The following ATM variants were observed in gnomAD, a reference collection of about 807,000 sequenced individuals.
ATM encodes the protein serine-protein kinase ATM.
Under a neutral mutation model 387.0 loss-of-function variants are expected in ATM, and 308 were observed. That is an observed-to-expected ratio of 0.80 (90% CI 0.73 to 0.87). The LOEUF (loss-of-function observed/expected upper bound fraction) is 0.87. Among genes scored for constraint, ATM ranks in the 40% least tolerant of loss-of-function variants. ATM has a pLI of 0.00. For missense variants in ATM, 3,312 were observed against 3,560.9 expected, an observed-to-expected ratio of 0.93 and a Z score of 1.78; for synonymous variants, 1,156 against 1,187.3, an observed-to-expected ratio of 0.97 and a Z score of 0.54.
At chr11:108,247,598 T>G (rs998246987) in intron 8 of ATM, among the ~76,000 whole-genome samples, 1 of 152,150 alleles carries the variant, frequency 6.6e-6, no homozygotes, top group African/African-American at 2.4e-5. Flanking sequence ...TTTTTTTATT[T>G]TATTTTTATT....
intron 59 of ATM, among the ~76,000 whole-genome samples, chr11:108,350,869 T>A (rs183169453): frequency 0.024 from 3,670 of 152,272 alleles, 110 homozygotes; most frequent in African/African-American, 0.077. Context: ...CCCTTTGGAA[T>A]ATTGTTTGGC....
At chr11:108,322,040 A>C (rs1417627396) in intron 45 of ATM, among the ~76,000 whole-genome samples, 1 of 152,190 alleles carries the variant, frequency 6.6e-6, no homozygotes, top group Non-Finnish European at 1.5e-5. Flanking sequence ...TTAGCACTAC[A>C]TTGTATTACT....
intron 56 of ATM, among the ~76,000 whole-genome samples, chr11:108,341,588 G>A (rs2087587577): frequency 6.6e-6 from 1 of 152,044 alleles, no homozygotes; most frequent in Admixed American, 6.6e-5. Context: ...TTCAACATAT[G>A]TGAGAAACTT....
chr11:108,298,954 A>C (rs781551433), intron 33 of ATM, among the ~76,000 whole-genome samples: 2 of 152,222 alleles, frequency 1.3e-5, no homozygotes, highest in Non-Finnish European at 2.9e-5. Context: ...TAAAAGAAAT[A>C]AATAGCCAGG....
chr11:108,264,249 T>G (rs1279607768), intron 16 of ATM, among the ~76,000 whole-genome samples: 1 of 151,978 alleles, frequency 6.6e-6, no homozygotes, highest in Admixed American at 6.6e-5. Flanking sequence ...ACTGGCAAAC[T>G]GAATCCAGCA....
chr11:108,363,227 G>T (rs2090995729), intron 61 of ATM, among the ~76,000 whole-genome samples: 1 of 152,004 alleles, frequency 6.6e-6, no homozygotes, highest in African/African-American at 2.4e-5. Flanking sequence ...TCCTCTCTTG[G>T]ATTCATTTCT....
intron 22 of ATM, among the ~76,000 whole-genome samples, chr11:108,274,501 C>T (rs1212282041): frequency 1.3e-5 from 2 of 152,164 alleles, no homozygotes; most frequent in African/African-American, 2.4e-5. Context: ...GTCCTGTGGG[C>T]ATTTAGTGCT....
At chr11:108,257,890 T>C (rs1367869988) in intron 15 of ATM, among the ~76,000 whole-genome samples, 7 of 152,210 alleles carry the variant, frequency 4.6e-5, no homozygotes, top group Non-Finnish European at 8.8e-5. Flanking sequence ...ATTTTTCTTT[T>C]TTTTGAGACA....
At chr11:108,275,739 G>A (rs549936578) in intron 22 of ATM, among the ~76,000 whole-genome samples, 15 of 152,316 alleles carry the variant, frequency 9.8e-5, no homozygotes, top group African/African-American at 3.4e-4. Flanking sequence ...CTGCTGTTAA[G>A]TCTGATGGGC....
chr11:108,232,493 A>G (rs1489948303), intron 4 of ATM, among the ~76,000 whole-genome samples: 2 of 151,166 alleles, frequency 1.3e-5, no homozygotes, highest in African/African-American at 4.9e-5. Flanking sequence ...GCAGCTGAGA[A>G]GAAACAAGTA....
intron 17 of ATM, among the ~76,000 whole-genome samples, chr11:108,267,905 C>A (rs1400400931): frequency 2.6e-5 from 4 of 152,178 alleles, no homozygotes; most frequent in African/African-American, 9.7e-5. Context: ...CAATAGAAAG[C>A]AGGAAATGAA....
At chr11:108,363,911 T>C (rs1256983143) in intron 61 of ATM, among the ~76,000 whole-genome samples, 4 of 152,202 alleles carry the variant, frequency 2.6e-5, no homozygotes, top group Non-Finnish European at 5.9e-5. Context: ...CATTAGTTCA[T>C]TAATAAAATA....
chr11:108,353,096 T>C (rs1027427071), intron 59 of ATM, among the ~76,000 whole-genome samples: 1 of 152,194 alleles, frequency 6.6e-6, no homozygotes, highest in Non-Finnish European at 1.5e-5. Flanking sequence ...GGATGATCTT[T>C]TCTGTATGAT....
chr11:108,309,027 C>A (rs530577906), intron 38 of ATM: 6 of 1,526,118 alleles, frequency 3.9e-6, no homozygotes, highest in East Asian at 2.5e-5. Flanking sequence ...GATAAAAATT[C>A]TTCATATTCC....
At chr11:108,270,777 C>A (rs973963079) in intron 18 of ATM, among the ~76,000 whole-genome samples, 1 of 152,030 alleles carries the variant, frequency 6.6e-6, no homozygotes, top group Non-Finnish European at 1.5e-5. Context: ...CTCACTGCAA[C>A]CTTCGCCTCC....
At chr11:108,282,393 G>A (rs1310851170) in intron 24 of ATM, among the ~76,000 whole-genome samples, 3 of 152,084 alleles carry the variant, frequency 2.0e-5, no homozygotes, top group South Asian at 2.1e-4. Flanking sequence ...CTCCCAAAGC[G>A]TTGGGATTAC....
chr11:108,309,567 C>G (rs1448421966), intron 38 of ATM, among the ~76,000 whole-genome samples: 1 of 152,146 alleles, frequency 6.6e-6, no homozygotes, highest in African/African-American at 2.4e-5. Context: ...AACACTAGTG[C>G]TCTTAAGCAC....
chr11:108,283,231 T>C (rs933331039), intron 25 of ATM, among the ~76,000 whole-genome samples: 2 of 152,210 alleles, frequency 1.3e-5, no homozygotes, highest in East Asian at 1.9e-4. Flanking sequence ...TTGGAAAAAA[T>C]TGAAGATAAA....
chr11:108,316,103 G>T lies in ATM; in HGVS notation c.6188G>T (p.Gly2063Val), dbSNP rs866290641. The T allele has an allele frequency of 6.2e-7, 1 of 1,613,978 alleles. No homozygotes were observed. The highest frequency in any genetic ancestry group is 8.5e-7 in the Non-Finnish European group (1 of 1,179,906). ...ATCCCCTCATCAACACGCCAGGCAG[G>T]AATCATTCAGGTACATTTTTTCCCA... is the stretch of plus-strand genomic sequence containing the variant. ...TAIPSSTRQAGIIQALQNLGL... is the reference protein window; with the variant it reads ...TAIPSSTRQAVIIQALQNLGL... The change falls in exon 42 of 63, where the codon GGA (glycine) becomes GTA (valine). Residue 2063 changes from glycine (G) to valine (V), a missense_variant. Gly to Val is a moderately radical substitution (Grantham distance 109). Transcript: ENST00000675843.
Sources: gnomAD v4.1 joint callset for allele counts (sites outside exome capture counted in the v4.1 genomes callset) on GRCh38, gnomAD v4.1.1 for gene constraint, MANE v1.5 for transcripts, NCBI Gene and HGNC (gene_info 2026-07-23, HGNC 2026-07-21) for gene names.